DFFB: variants seen among roughly 807,000 people sequenced by gnomAD.
DFFB encodes the protein DNA fragmentation factor 40 kDa subunit.
In DFFB, 29 loss-of-function variants were observed where a neutral mutation model predicts 32.7. The observed-to-expected ratio is 0.89, with a 90% CI of 0.66 to 1.21. The LOEUF (loss-of-function observed/expected upper bound fraction) is 1.21, where lower values mean the gene tolerates loss of function less well. DFFB is among the 50% of genes most tolerant of loss of function. The pLI is 0.00. For missense variants in DFFB, 398 were observed against 440.6 expected (o/e 0.90, Z 0.87); for synonymous variants, 170 against 177.1 (o/e 0.96, Z 0.32).
chr1:3,882,361 G>GT (rs1645357618), intron 6 of DFFB, among the ~76,000 whole-genome samples: 1 of 151,710 alleles, frequency 6.6e-6, no homozygotes, highest in Non-Finnish European at 1.5e-5. Context: ...GCCTCATGTA[G>GT]TTTTTTGTTT....
intron 6 of DFFB, among the ~76,000 whole-genome samples, chr1:3,878,398 C>T (rs1570941228): frequency 6.6e-6 from 1 of 152,274 alleles, no homozygotes; most frequent in African/African-American, 2.4e-5. Flanking sequence ...GTGATCTGCC[C>T]ACCTCAGCCT....
intron 6 of DFFB, chr1:3,872,979 G>GT (rs1645150507): frequency 1.6e-6 from 2 of 1,264,098 alleles, no homozygotes; most frequent in African/African-American, 3.1e-5. Context: ...GTTATGATAG[G>GT]TAAGGGTGTT....
chr1:3,875,746 C>T (rs36081432), intron 6 of DFFB, among the ~76,000 whole-genome samples: 10,557 of 152,146 alleles, frequency 0.069, 392 homozygotes, highest in Non-Finnish European at 0.081. Flanking sequence ...ATTCTGGATA[C>T]GTTAATCCTA....
intron 2 of DFFB, among the ~76,000 whole-genome samples, chr1:3,864,542 A>T (rs2124732942): frequency 6.6e-6 from 1 of 152,078 alleles, no homozygotes; most frequent in Non-Finnish European, 1.5e-5. Context: ...CTTTTATAAA[A>T]ACAGAGACAG....
In DFFB at chr1:3,865,616, C is replaced by T. The variant is rs766465471; in HGVS notation, c.242-196C>T. 2.5e-6 allele frequency: 2 copies of T among 786,404 alleles called. No homozygotes were observed. The highest frequency in any genetic ancestry group is 1.5e-5 in the South Asian group (1 of 68,004). 48.7% of individuals were successfully genotyped at this position (786,404 alleles called of 1,614,324 possible). A position where few individuals can be genotyped will look rare whatever the true frequency, so the allele number is the denominator to read the frequency against. Reference sequence around the variant, plus strand: ...ACCCTGCCCCTCCCTCCTCTGTCCTCATGCCGCCCTTGTGCGTGGTCCCCA... The same window carrying T: ...ACCCTGCCCCTCCCTCCTCTGTCCTTATGCCGCCCTTGTGCGTGGTCCCCA... On this transcript the variant is annotated intron_variant, in intron 2 of 6. Transcript: ENST00000378209. The surrounding 1 kb of genome is among the most constrained non-coding windows in gnomAD (Gnocchi z 4.7).
chr1:3,873,639 C>A (rs970645125), intron 6 of DFFB, among the ~76,000 whole-genome samples: 1 of 152,086 alleles, frequency 6.6e-6, no homozygotes, highest in Non-Finnish European at 1.5e-5. Context: ...GGCACCACGT[C>A]CAGCTAATTT....
chr1:3,870,408 C>T (rs1253726174), intron 5 of DFFB, among the ~76,000 whole-genome samples: 1 of 150,436 alleles, frequency 6.6e-6, no homozygotes, highest in Non-Finnish European at 1.5e-5. Flanking sequence ...TGCGGTGCTT[C>T]TTCCCATGGG....
At chr1:3,877,695 G>A (rs1197727189) in intron 6 of DFFB, among the ~76,000 whole-genome samples, 2 of 152,178 alleles carry the variant, frequency 1.3e-5, no homozygotes, top group African/African-American at 4.8e-5. Flanking sequence ...TTTTACAGAA[G>A]TCTTTTTAGT....
At chr1:3,880,384 G>A (rs4074709) in intron 6 of DFFB, among the ~76,000 whole-genome samples, 178 of 152,168 alleles carry the variant, frequency 1.2e-3, no homozygotes, top group Non-Finnish European at 2.1e-3. Context: ...TATAAGAAAC[G>A]ATAACCTTGA....
intron 6 of DFFB, among the ~76,000 whole-genome samples, chr1:3,879,239 C>T (rs766190820): frequency 1.3e-5 from 2 of 152,212 alleles, no homozygotes; most frequent in South Asian, 4.1e-4. Context: ...AATGCTTCTG[C>T]GTTGATGAGG....
intron 6 of DFFB, among the ~76,000 whole-genome samples, chr1:3,881,057 C>G (rs1645327145): frequency 6.6e-6 from 1 of 152,234 alleles, no homozygotes; most frequent in Admixed American, 6.5e-5. Flanking sequence ...ACGCTGAATT[C>G]AGGCTTGTCC....
At chr1:3,873,415 A>C (rs1430709547) in intron 6 of DFFB, among the ~76,000 whole-genome samples, 4 of 152,144 alleles carry the variant, frequency 2.6e-5, no homozygotes, top group African/African-American at 9.7e-5. Context: ...CCAAAATTCA[A>C]AACGTTTTGC....
Position 3,869,604 on chromosome 1 carries a change from G to T in DFFB, c.511-1G>T, listed in dbSNP as rs1645068873. ...TCACCGACGTTCCTTGGTTCCTCCA[G>T]GTGAGCTCCTACCCCTCCACGGTGG... is the stretch of plus-strand genomic sequence containing the variant. On this transcript the variant is annotated splice_acceptor_variant, in intron 4 of 6. Coordinates refer to ENST00000378209, the MANE Select transcript of DFFB (RefSeq NM_004402.4). LOFTEE classifies it high-confidence loss of function. 3 of 1,606,508 alleles carry T rather than the reference G, an allele frequency of 1.9e-6. No homozygotes were observed. In the East Asian group the frequency reaches 6.7e-5, roughly 36 times the overall value.
In DFFB at chr1:3,865,798, C is replaced by A; in HGVS notation, c.242-14C>A. The A allele has an allele frequency of 6.2e-7, 1 of 1,614,084 alleles. No individual in the cohort carries two copies. Among genetic ancestry groups the A allele is most frequent in the Non-Finnish European group, 8.5e-7 (1 of 1,180,022 alleles). ...TGCTGGACCGGCACCTTTTGTTTGT[C>A]CCATTGGTGGCAGATGTGAGCGACA... On this transcript the variant is annotated splice_polypyrimidine_tract_variant and intron_variant, in intron 2 of 6. Coordinates refer to ENST00000378209, the MANE Select transcript of DFFB (RefSeq NM_004402.4). The surrounding 1 kb of genome is among the most constrained non-coding windows in gnomAD (Gnocchi z 4.7).
In DFFB at chr1:3,865,941, A is replaced by G; in HGVS notation, c.371A>G (p.His124Arg). ...QRQRLLADLL[H>R]NVSQNIAAET... Reference sequence around the variant, plus strand: ...CAGAGGCTGCTGGCTGACCTCCTGCACAACGTCAGCCAGAACATCGCGGCC... The same window carrying G: ...CAGAGGCTGCTGGCTGACCTCCTGCGCAACGTCAGCCAGAACATCGCGGCC... The change falls in exon 3 of 7, where the codon CAC (histidine) becomes CGC (arginine). Residue 124 changes from histidine (H) to arginine (R), a missense_variant. By Grantham distance (29) the His-to-Arg change is conservative. Transcript: ENST00000378209. This position sits in a 1 kb window ranked among gnomAD's most constrained non-coding sequence, Gnocchi z 4.7. 6.2e-7 allele frequency: 1 copy of G among 1,607,144 alleles called. No homozygotes were observed. Among genetic ancestry groups the G allele is most frequent in the East Asian group, 2.2e-5 (1 of 44,694 alleles).
At chr1:3,872,897 C>G in intron 6 of DFFB, 1 of 1,223,042 alleles carries the variant, frequency 8.2e-7, no homozygotes, top group Non-Finnish European at 1.0e-6. Context: ...AGGTCCCAGC[C>G]CTTGGCTGTC....
At chr1:3,861,942 T>C (rs1418697899) in intron 2 of DFFB, among the ~76,000 whole-genome samples, 1 of 152,200 alleles carries the variant, frequency 6.6e-6, no homozygotes, top group Non-Finnish European at 1.5e-5. Flanking sequence ...GTGAAGCTAT[T>C]TCTATTTGCA....
At chr1:3,869,322 GA>G (rs1396413202) in intron 4 of DFFB, among the ~76,000 whole-genome samples, 3 of 152,180 alleles carry the variant, frequency 2.0e-5, no homozygotes, top group East Asian at 3.9e-4. Flanking sequence ...CGGCCTCCCA[GA>G]GTGCTGGGAT....
intron 5 of DFFB, 94 bp downstream of exon 5, chr1:3,869,869 C>T (rs1645076897): frequency 7.5e-7 from 1 of 1,336,846 alleles, no homozygotes. Flanking sequence ...CAGCCCTTGC[C>T]CTGCCTGGGC....
Sources: allele counts gnomAD v4.1 joint callset (sites outside exome capture counted in the v4.1 genomes callset), GRCh38; gene constraint gnomAD v4.1.1; non-coding constraint Gnocchi (gnomAD v3.1); transcripts MANE v1.5; gene names NCBI Gene and HGNC (gene_info 2026-07-23, HGNC 2026-07-21).